The following COL11A2 variants were observed in gnomAD, a reference collection of about 807,000 sequenced individuals.
COL11A2 encodes the protein collagen alpha-2(XI) chain.
In COL11A2, 116 loss-of-function variants were observed where a neutral mutation model predicts 273.4. That is an observed-to-expected ratio of 0.42 (90% confidence interval 0.36 to 0.49). The LOEUF (loss-of-function observed/expected upper bound fraction) is 0.49. COL11A2 is among the 20% of genes least tolerant of loss of function. The pLI is 0.00. For synonymous variants in COL11A2, 782 were observed against 864.2 expected, an observed-to-expected ratio of 0.90 and a Z score of 1.67; for missense variants, 1,866 against 2,309.0, an observed-to-expected ratio of 0.81 and a Z score of 3.93.
In COL11A2 at chr6:33,170,497, G is replaced by C; in HGVS notation, c.3528+60C>G. 1 of 1,593,236 alleles carries C rather than the reference G, an allele frequency of 6.3e-7. No individual in the cohort carries two copies. The highest frequency in any genetic ancestry group is 2.2e-5 in the East Asian group (1 of 44,540). Reference sequence around the variant, plus strand: ...AGTTGGCAGTGGGGTGTGGGGTGGGGGCTGGCCAGGGAGGGGGGTGACTAG... The same window carrying C: ...AGTTGGCAGTGGGGTGTGGGGTGGGCGCTGGCCAGGGAGGGGGGTGACTAG... On this transcript the variant is annotated intron_variant, in intron 47 of 65. Coordinates refer to ENST00000341947, the MANE Select transcript of COL11A2 (RefSeq NM_080680.3). The surrounding 1 kb of genome is among the most constrained non-coding windows in gnomAD (Gnocchi z 4.3).
Position 33,163,216 on chromosome 6 carries a change from G to T in COL11A2, c.*462C>A, listed in dbSNP as rs1768589619. The T allele has an allele frequency of 5.0e-6, 1 of 199,914 alleles. No homozygotes were observed. Among genetic ancestry groups the T allele is most frequent in the Non-Finnish European group, 1.0e-5 (1 of 96,344 alleles). 12.4% of individuals were successfully genotyped at this position (199,914 alleles called of 1,614,324 possible). On this transcript the variant is annotated 3_prime_UTR_variant, in exon 66 of 66. Transcript: ENST00000341947. The surrounding 1 kb of genome is among the most constrained non-coding windows in gnomAD (Gnocchi z 4.1). ...AACCCCCCTACACACAGTCACTGAG[G>T]AAAGTCCTGACTCCAGGATGTGGGT...
Position 33,166,423 on chromosome 6 carries a change from G to C in COL11A2, c.4392+90C>G. On this transcript the variant is annotated intron_variant, in intron 60 of 65. Transcript: ENST00000341947. The surrounding 1 kb of genome is among the most constrained non-coding windows in gnomAD (Gnocchi z 4.8). ...GGACCCTGAGGACTATGCTTGTTAG[G>C]CTGGTAGTTCCATGGAAGTCGTTGG... 6.8e-7 allele frequency: 1 copy of C among 1,470,008 alleles called. No individual in the cohort carries two copies. The highest frequency in any genetic ancestry group is 9.4e-7 in the Non-Finnish European group (1 of 1,067,214). The allele number at this position is 1,470,008 out of a possible 1,614,324, so 91.1% of individuals were successfully genotyped here. A position where few individuals can be genotyped will look rare whatever the true frequency, so the allele number is the denominator to read the frequency against.
chr6:33,174,132 T>C, intron 32 of COL11A2, 33 bp downstream of exon 32: 1 of 1,604,048 alleles, frequency 6.2e-7, no homozygotes, highest in Non-Finnish European at 8.5e-7. Context: ...CTCCAGCCCT[T>C]CCCTTCTCAC....
Position 33,189,508 on chromosome 6 carries a change from C to T in COL11A2, c.83-39G>A. The T allele has an allele frequency of 6.2e-7, 1 of 1,610,116 alleles. No homozygotes were observed. The highest frequency in any genetic ancestry group is 1.1e-5 in the South Asian group (1 of 90,984). Reference sequence around the variant, plus strand: ...TGATTATCAGGAGAAGGGACATGCCCTCAGGAGGGCATAAATAGGGGACAT... The same window carrying T: ...TGATTATCAGGAGAAGGGACATGCCTTCAGGAGGGCATAAATAGGGGACAT... On this transcript the variant is annotated intron_variant, in intron 1 of 65. Transcript: ENST00000341947. The surrounding 1 kb of genome is among the most constrained non-coding windows in gnomAD (Gnocchi z 5.6).
In COL11A2 at chr6:33,163,611, C is replaced by T; in HGVS notation, c.*67G>A. The T allele has an allele frequency of 1.2e-6, 2 of 1,611,594 alleles. No homozygotes were observed. The highest frequency in any genetic ancestry group is 2.2e-5 in the South Asian group (2 of 91,062). On this transcript the variant is annotated 3_prime_UTR_variant, in exon 66 of 66. Coordinates refer to ENST00000341947, the MANE Select transcript of COL11A2 (RefSeq NM_080680.3). The surrounding 1 kb of genome is among the most constrained non-coding windows in gnomAD (Gnocchi z 4.1). ...TGAGGAGCCCTCTTGGGAGGTGGCA[C>T]AGAGCTGATGTTGTGGGATTCCAGG... is the stretch of plus-strand genomic sequence containing the variant.
chr6:33,168,551 C>G lies in COL11A2; in HGVS notation c.3928G>C (p.Glu1310Gln). The change falls in exon 54 of 66, where the codon GAG (glutamate) becomes CAG (glutamine). Residue 1310 changes from glutamate (E) to glutamine (Q), a missense_variant. Physicochemically the swap from Glu to Gln is conservative, Grantham distance 29. Transcript: ENST00000341947. ...GQPGSPGPTG[E>Q]NGPPGPLGKR... ...CCAAGTGGCCCTGGGGGTCCATTCT[C>G]CCCGGTGGGACCAGGGGATCCCTAG... 6.2e-7 allele frequency: 1 copy of G among 1,613,716 alleles called. No homozygotes were observed. Among genetic ancestry groups the G allele is most frequent in the Non-Finnish European group, 8.5e-7 (1 of 1,179,916 alleles).
At chr6:33,184,932 G>T in intron 7 of COL11A2, 60 bp downstream of exon 7, 1 of 1,395,438 alleles carries the variant, frequency 7.2e-7, no homozygotes, top group Non-Finnish European at 9.9e-7. Flanking sequence ...ATGGGCTGAG[G>T]GGAGTGAGTC....
chr6:33,179,912 A>G lies in COL11A2; in HGVS notation c.1360-107T>C, dbSNP rs1297559102. The G allele has an allele frequency of 4.7e-6, 5 of 1,054,200 alleles. No individual in the cohort carries two copies. The East Asian group carries it at 7.2e-5, about 15-fold the overall frequency. The allele number at this position is 1,054,200 out of a possible 1,614,324, so 65.3% of individuals were successfully genotyped here. On this transcript the variant is annotated intron_variant, in intron 12 of 65. Transcript: ENST00000341947. This position sits in a 1 kb window ranked among gnomAD's most constrained non-coding sequence, Gnocchi z 6.4. ...CTGCCCCTTGCCCCAGGTTCTGCCC[A>G]TCCAGCATTTCCCATGGCTTCCAGA...
At chr6:33,175,755 C>T in intron 29 of COL11A2, 74 bp from the exon 30 acceptor site, 1 of 1,427,862 alleles carries the variant, frequency 7.0e-7, no homozygotes, top group Non-Finnish European at 9.9e-7. Context: ...AAATGGGCAA[C>T]AGTGAGGCTG....
chr6:33,180,481 G>A (rs1415042407), intron 11 of COL11A2, 149 bp from the exon 12 acceptor site: 1 of 934,054 alleles, frequency 1.1e-6, no homozygotes, highest in Non-Finnish European at 1.6e-6. Context: ...GAAAATTGAG[G>A]GTGAGAAACC....
chr6:33,185,896 G>A (rs1772360460), intron 5 of COL11A2, 118 bp from the exon 6 acceptor site: 2 of 423,370 alleles, frequency 4.7e-6, no homozygotes, highest in Non-Finnish European at 9.5e-6. Context: ...GGGGAGGTGT[G>A]GAGTTGGGAA....
chr6:33,184,355 A>C, intron 7 of COL11A2, 31 bp from the exon 8 acceptor site: 1 of 1,346,084 alleles, frequency 7.4e-7, no homozygotes, highest in Non-Finnish European at 1.0e-6. Context: ...AGAGGGGTAG[A>C]TGGGGATGTT....
intron 8 of COL11A2, among the ~76,000 whole-genome samples, chr6:33,181,411 C>T (rs1771725442): frequency 6.6e-6 from 1 of 152,206 alleles, no homozygotes; most frequent in African/African-American, 2.4e-5. Context: ...CACAACCTCT[C>T]CATCTCCCTG....
chr6:33,165,529 AC>A lies in COL11A2; in HGVS notation c.4750+19del, dbSNP rs766336073. 1.2e-6 allele frequency: 2 copies of A among 1,610,460 alleles called. No homozygotes were observed. Among genetic ancestry groups the A allele is most frequent in the Admixed American group, 3.3e-5 (2 of 60,006 alleles). On this transcript the variant is annotated intron_variant, in intron 63 of 65. Transcript: ENST00000341947. This position sits in a 1 kb window ranked among gnomAD's most constrained non-coding sequence, Gnocchi z 7.7. ...CATGCTGTTGGGGAGATGTTTGTGC[AC>A]CCTGAGGCTAGCACTGACCATCGGG... is the stretch of plus-strand genomic sequence containing the variant.
At chr6:33,175,734 G>T (rs1203542378) in intron 29 of COL11A2, 53 bp from the exon 30 acceptor site, 4 of 1,543,596 alleles carry the variant, frequency 2.6e-6, no homozygotes, top group Admixed American at 1.7e-5. Flanking sequence ...TGGGCTCTGG[G>T]CCCAGAGGAG....
rs1768681348 is a variant in COL11A2 at position 33,163,815 on chromosome 6, G to C, written c.5074C>G (p.Gln1692Glu). Reference sequence around the variant, plus strand: ...ACCTCCAGCACCGTCCGGCCTTGCTGTGTCTTCAGGGGGAGACAAGGAAGA... The same window carrying C: ...ACCTCCAGCACCGTCCGGCCTTGCTCTGTCTTCAGGGGGAGACAAGGAAGA... ...VKEFRDGCQTQQGRTVLEVRT... is the reference protein window; with the variant it reads ...VKEFRDGCQTEQGRTVLEVRT... Residue 1692 changes from glutamine to glutamate, a missense_variant, in exon 66 of 66, where the codon CAG becomes GAG. Coordinates refer to ENST00000341947, the MANE Select transcript of COL11A2 (RefSeq NM_080680.3). The surrounding 1 kb of genome is among the most constrained non-coding windows in gnomAD (Gnocchi z 4.1). 6.2e-7 allele frequency: 1 copy of C among 1,612,884 alleles called. No individual in the cohort carries two copies. The highest frequency in any genetic ancestry group is 1.7e-5 in the Admixed American group (1 of 60,004).
At position 33,174,587 on chromosome 6, in the gene COL11A2, A is replaced by T. The variant is rs1770642650; in HGVS notation, c.2377-7T>A. 6 of 1,611,600 alleles carry T rather than the reference A, an allele frequency of 3.7e-6. No individual in the cohort carries two copies. The highest frequency in any genetic ancestry group is 4.2e-6 in the Non-Finnish European group (5 of 1,179,880). Reference sequence around the variant, plus strand: ...CAGGAACACCCAGCTTGCCCTGTGGAGGGACAGGAAGCAGTTAGGAGTGAG... The same window carrying T: ...CAGGAACACCCAGCTTGCCCTGTGGTGGGACAGGAAGCAGTTAGGAGTGAG... On this transcript the variant is annotated splice_region_variant and splice_polypyrimidine_tract_variant and intron_variant, in intron 30 of 65. Coordinates refer to ENST00000341947, the MANE Select transcript of COL11A2 (RefSeq NM_080680.3).
At chr6:33,187,267 C>T (rs1367384928) in intron 4 of COL11A2, among the ~76,000 whole-genome samples, 2 of 152,154 alleles carry the variant, frequency 1.3e-5, no homozygotes, top group African/African-American at 4.8e-5. Flanking sequence ...TTCTCTGGAC[C>T]TCTAGAAATG....
chr6:33,175,109 T>C (rs1770709007), intron 30 of COL11A2, among the ~76,000 whole-genome samples: 1 of 152,186 alleles, frequency 6.6e-6, no homozygotes, highest in Admixed American at 6.5e-5. Flanking sequence ...TCACTGGCCA[T>C]GTAATCAACA....
Sources: gnomAD v4.1 joint callset for allele counts (sites outside exome capture counted in the v4.1 genomes callset) on GRCh38, gnomAD v4.1.1 for gene constraint, Gnocchi (gnomAD v3.1) non-coding constraint, MANE v1.5 for transcripts, NCBI Gene and HGNC (gene_info 2026-07-23, HGNC 2026-07-21) for gene names.